PMF1: variants seen among roughly 807,000 people sequenced by gnomAD.
The protein encoded by PMF1 is polyamine-modulated factor 1.
A neutral mutation model predicts 26.7 loss-of-function variants in PMF1; 21 were observed. That is an observed-to-expected ratio of 0.79 (90% CI 0.56 to 1.13). The LOEUF (loss-of-function observed/expected upper bound fraction) is 1.13, where lower values mean the gene tolerates loss of function less well. Among genes scored for constraint, PMF1 ranks in the 50% most tolerant of loss-of-function variants. The pLI is 0.00. For synonymous variants in PMF1, 105 were observed against 101.0 expected, an observed-to-expected ratio of 1.04 and a Z score of -0.24; for missense variants, 266 against 254.9, an observed-to-expected ratio of 1.04 and a Z score of -0.30.
At chr1:156,216,828 G>T (rs1361006933) in intron 1 of PMF1, among the ~76,000 whole-genome samples, 2 of 151,754 alleles carry the variant, frequency 1.3e-5, no homozygotes, top group Non-Finnish European at 2.9e-5. Context: ...CGATCGACTC[G>T]CTGGCCGGCC....
chr1:156,218,690 G>A (rs1227285551), intron 1 of PMF1, among the ~76,000 whole-genome samples: 1 of 152,024 alleles, frequency 6.6e-6, no homozygotes, highest in Non-Finnish European at 1.5e-5. Context: ...GCTGAGGCAG[G>A]AGAATTGCTT....
chr1:156,236,457 G>A lies in PMF1; in HGVS notation c.538G>A (p.Val180Ile), dbSNP rs180708431. 1,154 of 1,613,356 alleles carry A rather than the reference G, an allele frequency of 7.2e-4. 14 individuals are homozygous for A. In the Admixed American group the frequency reaches 0.016, roughly 22 times the overall value. ...RRQVEELQLQ[V>I]QAQQQAWQAL... Reference sequence around the variant, plus strand: ...GCAGGTGGAGGAGCTGCAGCTACAGGTCCAGGCCCAGCAGCAGGCCTGGCA... The same window carrying A: ...GCAGGTGGAGGAGCTGCAGCTACAGATCCAGGCCCAGCAGCAGGCCTGGCA... The change falls in exon 4 of 5, where the codon GTC becomes ATC. Residue 180 changes from valine (V) to isoleucine (I), a missense_variant. By Grantham distance (29) the Val-to-Ile change is conservative (BLOSUM62 3). Transcript: ENST00000368277.
chr1:156,233,510 G>T, intron 2 of PMF1, 118 bp from the exon 3 acceptor site: 1 of 952,294 alleles, frequency 1.1e-6, no homozygotes, highest in Non-Finnish European at 1.6e-6. Flanking sequence ...GTCAGGGAAA[G>T]CATAAAGACC....
At chr1:156,239,459 A>C in intron 4 of PMF1, 89 bp from the exon 5 acceptor site, 16 of 1,011,378 alleles carry the variant, frequency 1.6e-5, no homozygotes, top group Non-Finnish European at 2.5e-5. Context: ...TCCTGGGGGA[A>C]ACCCCAGGCC....
chr1:156,237,276 C>T (rs1407753888), intron 4 of PMF1: 1 of 98,578 alleles, frequency 1.0e-5, no homozygotes, highest in Non-Finnish European at 2.4e-5. Context: ...AGTTGCCTTA[C>T]ACTACTGTTG....
chr1:156,225,533 T>C, intron 1 of PMF1: 4 of 1,403,338 alleles, frequency 2.9e-6, no homozygotes, highest in Non-Finnish European at 3.9e-6. Flanking sequence ...TGTTTTGTTC[T>C]CAGCCTGTTT....
At chr1:156,224,317 T>G (rs1317034561) in intron 1 of PMF1, among the ~76,000 whole-genome samples, 1 of 152,238 alleles carries the variant, frequency 6.6e-6, no homozygotes, top group African/African-American at 2.4e-5. Flanking sequence ...CTCTTCTAGC[T>G]ATTTGGCAAT....
At chr1:156,225,348 A>G (rs1207893800) in intron 1 of PMF1, among the ~76,000 whole-genome samples, 2 of 122,466 alleles carry the variant, frequency 1.6e-5, no homozygotes, top group Admixed American at 2.3e-4. Flanking sequence ...GTGTTTGGTT[A>G]CATGGATAAG....
Position 156,239,743 on chromosome 1 carries a change from G to A in PMF1, c.*142G>A. The A allele has an allele frequency of 1.4e-6, 1 of 700,540 alleles. No individual in the cohort carries two copies. Among genetic ancestry groups the A allele is most frequent in the Non-Finnish European group, 2.5e-6 (1 of 398,352 alleles). 43.4% of individuals were successfully genotyped at this position (700,540 alleles called of 1,614,324 possible). On this transcript the variant is annotated 3_prime_UTR_variant, in exon 5 of 5. Coordinates refer to ENST00000368277, the MANE Select transcript of PMF1 (RefSeq NM_007221.4). ...AGTGATGGAATTTGCTGGAGGACTA[G>A]GCCAGAGCAAGCCTCACTGCCACTG... is the stretch of plus-strand genomic sequence containing the variant.
intron 4 of PMF1, among the ~76,000 whole-genome samples, chr1:156,238,026 C>G (rs1207571322): frequency 6.6e-6 from 1 of 152,160 alleles, no homozygotes; most frequent in Non-Finnish European, 1.5e-5. Flanking sequence ...CCACAGCTTC[C>G]CAAAGTGCTG....
At chr1:156,214,421 C>T (rs1428779648) in intron 1 of PMF1, among the ~76,000 whole-genome samples, 1 of 152,112 alleles carries the variant, frequency 6.6e-6, no homozygotes, top group East Asian at 1.9e-4. Context: ...AGCACTTTAC[C>T]TTTCCTACGC....
chr1:156,239,469 C>T, intron 4 of PMF1, 79 bp from the exon 5 acceptor site: 2 of 1,159,050 alleles, frequency 1.7e-6, no homozygotes, highest in Admixed American at 3.5e-5. Context: ...AACCCCAGGC[C>T]TGGAGTCAGG....
In PMF1 at chr1:156,213,169, G is replaced by C. The variant is rs1657474019; in HGVS notation, c.154G>C (p.Ala52Pro). ...CACTTTTCTTCAGAAGCTGGTCGCC[G>C]CCGGCAGGTAAAGTGGACGCAGCCG... ...VDTFLQKLVA[A>P]GSYQRFTDCY... is the part of the protein sequence containing the mutation. Residue 52 changes from alanine (A) to proline (P), a missense_variant, in exon 1 of 5, where the codon GCC (alanine) becomes CCC (proline). Ala to Pro is a conservative substitution (Grantham distance 27). Coordinates refer to ENST00000368277, the MANE Select transcript of PMF1 (RefSeq NM_007221.4). 1.9e-6 allele frequency: 3 copies of C among 1,612,676 alleles called. No individual in the cohort carries two copies. Among genetic ancestry groups the C allele is most frequent in the South Asian group, 1.1e-5 (1 of 91,050 alleles).
At chr1:156,224,572 C>A (rs2247937) in intron 1 of PMF1, among the ~76,000 whole-genome samples, 1 of 151,596 alleles carries the variant, frequency 6.6e-6, no homozygotes, top group South Asian at 2.1e-4. Context: ...GTCAGGAGAC[C>A]GAGACCACGG....
intron 2 of PMF1, 142 bp downstream of exon 2, chr1:156,232,567 C>T: frequency 1.5e-6 from 1 of 669,312 alleles, no homozygotes; most frequent in Non-Finnish European, 2.6e-6. Flanking sequence ...CAGGCTGCAG[C>T]ATCCATCGTC....
At chr1:156,217,927 A>G (rs778300983) in intron 1 of PMF1, among the ~76,000 whole-genome samples, 2 of 152,212 alleles carry the variant, frequency 1.3e-5, no homozygotes, top group Non-Finnish European at 2.9e-5. Context: ...TCTCTGAGAC[A>G]TGTAACTGGG....
chr1:156,222,145 C>G (rs985107607), intron 1 of PMF1, among the ~76,000 whole-genome samples: 2 of 152,200 alleles, frequency 1.3e-5, no homozygotes, highest in Non-Finnish European at 2.9e-5. Context: ...CTCACCAACC[C>G]CAAGTCAGGG....
chr1:156,239,403 A>G lies in PMF1; in HGVS notation c.565-145A>G, dbSNP rs115398180. On this transcript the variant is annotated intron_variant, in intron 4 of 4. Transcript: ENST00000368277. ...CTTCCTGATGTGCCTTCATCCTAAC[A>G]TGCTCTGCAGGGCCCATGACTTAGC... The G allele has an allele frequency of 1.7e-3, 1,114 of 638,070 alleles. 6 individuals are homozygous for G. The African/African-American group carries it at 0.018, about 11-fold the overall frequency. The allele number at this position is 638,070 out of a possible 1,614,324, so 39.5% of individuals were successfully genotyped here. A position where few individuals can be genotyped will look rare whatever the true frequency, so the allele number is the denominator to read the frequency against.
intron 3 of PMF1, among the ~76,000 whole-genome samples, chr1:156,235,522 A>G (rs1202485639): frequency 7.0e-6 from 1 of 142,468 alleles, no homozygotes; most frequent in African/African-American, 2.6e-5. Flanking sequence ...GCTCACTGCA[A>G]GCTCCGCCTC....
Sources: allele counts gnomAD v4.1 joint callset (sites outside exome capture counted in the v4.1 genomes callset), GRCh38; gene constraint gnomAD v4.1.1; transcripts MANE v1.5; gene names NCBI Gene and HGNC (gene_info 2026-07-23, HGNC 2026-07-21).